Variants in IKZF5 observed in about 807,000 individuals in gnomAD.
IKZF5 encodes IKAROS family zinc finger 5.
IKZF5 carries 4 observed loss-of-function variants against 30.7 expected under a neutral mutation model. That is an observed-to-expected ratio of 0.13 (90% CI 0.06 to 0.30). IKZF5 has a LOEUF of 0.30. Among genes scored for constraint, IKZF5 ranks in the 10% least tolerant of loss-of-function variants. The probability of loss-of-function intolerance (pLI) is 1.00; values close to 1 mark genes in which losing one functional copy is unlikely to be tolerated. For synonymous variants in IKZF5, 148 were observed against 179.6 expected (o/e 0.82, Z 1.41); for missense variants, 348 against 525.5 (o/e 0.66, Z 3.30).
Position 122,993,265 on chromosome 10 carries a change from G to A in IKZF5, c.*515C>T, listed in dbSNP as rs1193408326. The A allele has an allele frequency of 6.6e-6, 1 of 152,608 alleles. No individual in the cohort carries two copies. The highest frequency in any genetic ancestry group is 1.5e-5 in the Non-Finnish European group (1 of 68,026). The allele number at this position is 152,608 out of a possible 1,614,324, so 9.5% of individuals were successfully genotyped here. A position where few individuals can be genotyped will look rare whatever the true frequency, so the allele number is the denominator to read the frequency against. On this transcript the variant is annotated 3_prime_UTR_variant, in exon 5 of 5. Coordinates refer to ENST00000368886, the MANE Select transcript of IKZF5 (RefSeq NM_001372123.1). ...TGAAATAGCTTTACTATTATCAGTT[G>A]AAATGAAACTACCGATTCAACTTAA...
In IKZF5 at chr10:122,998,630, G is replaced by A. The variant is rs1473453780; in HGVS notation, c.-5C>T. On this transcript the variant is annotated 5_prime_UTR_variant, in exon 3 of 5. The change creates a premature stop within an existing upstream ORF in the 5' untranslated region. Coordinates refer to ENST00000368886, the MANE Select transcript of IKZF5 (RefSeq NM_001372123.1). ...CTCTGGTTTTTTTTCACCCATCTTT[G>A]CTTTTTTAACATTTACAGTTTGTTA... 2.5e-6 allele frequency: 4 copies of A among 1,610,102 alleles called. No homozygotes were observed. The African/African-American group carries it at 5.4e-5, about 22-fold the overall frequency.
rs75613220 is a variant in IKZF5, at chr10:122,994,009, C to T, written c.1031G>A (p.Gly344Glu). The change falls in exon 5 of 5, where the codon GGA becomes GAA. Residue 344 changes from glycine (G) to glutamate (E), a missense_variant. This residue lies in a region of IKZF5 where 56 missense variants were observed against 104.7 expected (regional missense o/e 0.53). Coordinates refer to ENST00000368886, the MANE Select transcript of IKZF5 (RefSeq NM_001372123.1). This position sits in a 1 kb window ranked among gnomAD's most constrained non-coding sequence, Gnocchi z 5.6. ...GGCTGGGGTGCTTGGCTGGCTGTTT[C>T]CTATGCTGGGAGTGCTCGTGTGGGC... ...PSAHTSTPSI[G>E]NSQPSTPAPA... 1.2e-6 allele frequency: 2 copies of T among 1,614,066 alleles called. No individual in the cohort carries two copies. Among genetic ancestry groups the T allele is most frequent in the Non-Finnish European group, 1.7e-6 (2 of 1,180,020 alleles).
intron 2 of IKZF5, among the ~76,000 whole-genome samples, chr10:122,999,618 C>T (rs182930380): frequency 2.6e-5 from 4 of 152,374 alleles, no homozygotes; most frequent in East Asian, 3.9e-4. Context: ...ATTTGGCCTA[C>T]AGGCCTTAGC....
In IKZF5 at chr10:122,993,229, T is replaced by G. The variant is rs1467374549; in HGVS notation, c.*551A>C. 6.6e-6 allele frequency: 1 copy of G among 152,578 alleles called. No individual in the cohort carries two copies. Among genetic ancestry groups the G allele is most frequent in the Admixed American group, 6.5e-5 (1 of 15,284 alleles). 9.5% of individuals were successfully genotyped at this position (152,578 alleles called of 1,614,324 possible). On this transcript the variant is annotated 3_prime_UTR_variant, in exon 5 of 5. Coordinates refer to ENST00000368886, the MANE Select transcript of IKZF5 (RefSeq NM_001372123.1). ...TTTCCTCTTGTGGAAAAAAGAAAAT[T>G]TTTACTAAACTGAAATAGCTTTACT...
In IKZF5 at chr10:122,998,431, T is replaced by C; in HGVS notation, c.133+62A>G. 2.1e-6 allele frequency: 3 copies of C among 1,404,240 alleles called. No individual in the cohort carries two copies. In the South Asian group the frequency reaches 3.9e-5, roughly 18 times the overall value. The allele number at this position is 1,404,240 out of a possible 1,614,324, so 87.0% of individuals were successfully genotyped here. On this transcript the variant is annotated intron_variant, in intron 3 of 4. Transcript: ENST00000368886. ...GCGCAGTGGTCTTCACAGTAACAGC[T>C]ACACGCAATCATAGTACGTGTATAA...
chr10:123,006,457 G>A (rs1402126349), intron 2 of IKZF5, among the ~76,000 whole-genome samples: 1 of 152,058 alleles, frequency 6.6e-6, no homozygotes, highest in African/African-American at 2.4e-5. Flanking sequence ...TAAAACACAG[G>A]CACTGAAATG....
At chr10:123,008,216 T>C (rs567706267) in intron 1 of IKZF5, among the ~76,000 whole-genome samples, 1 of 152,282 alleles carries the variant, frequency 6.6e-6, no homozygotes, top group Non-Finnish European at 1.5e-5. Context: ...GCTTTAAACG[T>C]CCTTCTCCCA....
In IKZF5 at chr10:122,994,106, T is replaced by A. The variant is rs1483213426; in HGVS notation, c.934A>T (p.Ser312Cys). 1 of 1,614,106 alleles carries A rather than the reference T, an allele frequency of 6.2e-7. No individual in the cohort carries two copies. Among genetic ancestry groups the A allele is most frequent in the Non-Finnish European group, 8.5e-7 (1 of 1,180,030 alleles). Reference protein sequence around the residue: ...ASIPQSSSPTSPEPRPSHSQR... With the variant: ...ASIPQSSSPTCPEPRPSHSQR... ...CTATGGGATGGCCGAGGTTCTGGGC[T>A]TGTGGGAGAGGAGCTCTGAGGAATA... Residue 312 changes from serine to cysteine, a missense_variant, in exon 5 of 5, where the codon AGC becomes TGC. Around this residue, in one of 4 missense-constraint regions of IKZF5, gnomAD observed 176 missense variants for 198.2 expected, o/e 0.89. Coordinates refer to ENST00000368886, the MANE Select transcript of IKZF5 (RefSeq NM_001372123.1). This position sits in a 1 kb window ranked among gnomAD's most constrained non-coding sequence, Gnocchi z 5.6.
intron 2 of IKZF5, among the ~76,000 whole-genome samples, chr10:122,999,219 T>C (rs1849497634): frequency 6.6e-6 from 1 of 152,186 alleles, no homozygotes; most frequent in South Asian, 2.1e-4. Context: ...TTCTTATCTG[T>C]GCTATTCCTA....
At chr10:123,003,413 ATT>A (rs35155915) in intron 2 of IKZF5, among the ~76,000 whole-genome samples, 10 of 152,120 alleles carry the variant, frequency 6.6e-5, no homozygotes, top group African/African-American at 2.4e-4. Flanking sequence ...GCACCCGCAA[ATT>A]TTGCTATCTA....
intron 4 of IKZF5, among the ~76,000 whole-genome samples, chr10:122,995,694 C>T (rs1031037843): frequency 6.6e-6 from 1 of 152,118 alleles, no homozygotes; most frequent in South Asian, 2.1e-4. Context: ...TTTATCACAT[C>T]GCAGTGCTTT....
In IKZF5 at chr10:122,992,753, AAG is replaced by A. The variant is rs1431251717; in HGVS notation, c.*1025_*1026del. On this transcript the variant is annotated 3_prime_UTR_variant, in exon 5 of 5. Coordinates refer to ENST00000368886, the MANE Select transcript of IKZF5 (RefSeq NM_001372123.1). ...AAAATATTTTAAATGGCTAATTCTG[AAG>A]AGGAGACAAGAATCCATTTTGGACA... The A allele has an allele frequency of 1.3e-5, 2 of 152,366 alleles. No homozygotes were observed. Among genetic ancestry groups the A allele is most frequent in the Non-Finnish European group, 2.9e-5 (2 of 68,006 alleles). The allele number at this position is 152,366 out of a possible 1,614,324, so 9.4% of individuals were successfully genotyped here.
chr10:123,008,404 C>T (rs1849900522), intron 1 of IKZF5, among the ~76,000 whole-genome samples: 1 of 152,210 alleles, frequency 6.6e-6, no homozygotes, highest in African/African-American at 2.4e-5. Flanking sequence ...AGCCAAGCAA[C>T]AGTCCCCGCC....
Position 122,994,791 on chromosome 10 carries a change from A to G in IKZF5, c.317-68T>C. On this transcript the variant is annotated intron_variant, in intron 4 of 4. Transcript: ENST00000368886. The surrounding 1 kb of genome is among the most constrained non-coding windows in gnomAD (Gnocchi z 5.6). Reference sequence around the variant, plus strand: ...CATTTATGGAAAGTTTTGCTTGTCCATTCATTGGACAACTGGAAATTGATC... The same window carrying G: ...CATTTATGGAAAGTTTTGCTTGTCCGTTCATTGGACAACTGGAAATTGATC... 1 of 1,264,516 alleles carries G rather than the reference A, an allele frequency of 7.9e-7. No individual in the cohort carries two copies. The highest frequency in any genetic ancestry group is 1.1e-6 in the Non-Finnish European group (1 of 907,876). The allele number at this position is 1,264,516 out of a possible 1,614,324, so 78.3% of individuals were successfully genotyped here.
chr10:123,000,442 T>C (rs1849541503), intron 2 of IKZF5, among the ~76,000 whole-genome samples: 1 of 152,248 alleles, frequency 6.6e-6, no homozygotes, highest in Admixed American at 6.5e-5. Context: ...TGTATGACCA[T>C]GCCACAACTC....
At chr10:123,008,509 T>G (rs1849908333) in intron 1 of IKZF5, 185 bp downstream of exon 1, 3 of 178,124 alleles carry the variant, frequency 1.7e-5, no homozygotes, top group South Asian at 9.3e-5. Flanking sequence ...TCCACTGCCC[T>G]CCGGCTAAAG....
chr10:123,000,059 G>A (rs541536985), intron 2 of IKZF5, among the ~76,000 whole-genome samples: 1 of 152,144 alleles, frequency 6.6e-6, no homozygotes. Flanking sequence ...CAGCATATAT[G>A]CTTAACTTTT....
rs751877833 is a variant in IKZF5, at chr10:122,994,092, C to G, written c.948G>C (p.Arg316=). Residue 316 remains arginine, a synonymous_variant, in exon 5 of 5, where the codon CGG becomes CGC. Transcript: ENST00000368886. This position sits in a 1 kb window ranked among gnomAD's most constrained non-coding sequence, Gnocchi z 5.6. ...TATAGTTCCTTTGACTATGGGATGG[C>G]CGAGGTTCTGGGCTTGTGGGAGAGG... The part of the protein sequence containing the change: ...QSSSPTSPEP[R]PSHSQRNYSP... 2 of 1,614,012 alleles carry G rather than the reference C, an allele frequency of 1.2e-6. No homozygotes were observed. Among genetic ancestry groups the G allele is most frequent in the Admixed American group, 3.3e-5 (2 of 60,002 alleles).
chr10:123,008,376 C>T (rs542974577), intron 1 of IKZF5, among the ~76,000 whole-genome samples: 1 of 152,154 alleles, frequency 6.6e-6, no homozygotes, highest in South Asian at 2.1e-4. Context: ...GGACGCCTCC[C>T]GCAGAACCAC....
Sources: gnomAD v4.1 joint callset for allele counts (sites outside exome capture counted in the v4.1 genomes callset) on GRCh38, gnomAD v4.1.1 for gene constraint, gnomAD v4.1.1 regional missense constraint, Gnocchi (gnomAD v3.1) non-coding constraint, MANE v1.5 for transcripts, NCBI Gene and HGNC (gene_info 2026-07-23, HGNC 2026-07-21) for gene names.